Variants in MYO1D observed in about 807,000 individuals in gnomAD.
MYO1D encodes unconventional myosin-Id.
Under a neutral mutation model 122.0 loss-of-function variants are expected in MYO1D, and 83 were observed. That is an observed-to-expected ratio of 0.68 (90% confidence interval 0.57 to 0.82). MYO1D has a LOEUF of 0.82. MYO1D is among the 40% of genes least tolerant of loss of function. The pLI is 0.00. For missense variants in MYO1D, 1,157 were observed against 1,269.5 expected (o/e 0.91, Z 1.35); for synonymous variants, 464 against 446.9 (o/e 1.04, Z -0.48).
chr17:32,630,679 C>T (rs2087992611), intron 20 of MYO1D, among the ~76,000 whole-genome samples: 1 of 151,978 alleles, frequency 6.6e-6, no homozygotes, highest in South Asian at 2.1e-4. Context: ...TTCACATCAT[C>T]CTCCTGCTTC....
At chr17:32,706,699 T>C (rs950493464) in intron 16 of MYO1D, among the ~76,000 whole-genome samples, 4 of 152,116 alleles carry the variant, frequency 2.6e-5, no homozygotes, top group East Asian at 1.9e-4. Context: ...TCCAGATCTA[T>C]ACATTTTTTT....
chr17:32,507,935 C>T (rs951879513), intron 21 of MYO1D, among the ~76,000 whole-genome samples: 4 of 140,066 alleles, frequency 2.9e-5, no homozygotes, highest in African/African-American at 8.2e-5. Context: ...CTCGCTCTGT[C>T]GCCCAGGCTA....
At chr17:32,759,976 A>G (rs1819762517) in intron 10 of MYO1D, 2 of 542,418 alleles carry the variant, frequency 3.7e-6, no homozygotes, top group Admixed American at 3.4e-5. Flanking sequence ...AATTTAAGGT[A>G]TAACTTAATA....
chr17:32,835,107 A>G (rs757305673), intron 1 of MYO1D, among the ~76,000 whole-genome samples: 4 of 152,074 alleles, frequency 2.6e-5, no homozygotes, highest in Non-Finnish European at 4.4e-5. Context: ...TCTGGTCCCA[A>G]ACATACCTTG....
intron 20 of MYO1D, among the ~76,000 whole-genome samples, chr17:32,612,594 G>A (rs1368052153): frequency 1.3e-5 from 2 of 149,158 alleles, no homozygotes; most frequent in African/African-American, 2.5e-5. Flanking sequence ...GCTGAGGCAG[G>A]AGGATTGCTT....
chr17:32,710,337 TG>T (rs1163845358), intron 16 of MYO1D, among the ~76,000 whole-genome samples: 1 of 152,086 alleles, frequency 6.6e-6, no homozygotes, highest in African/African-American at 2.4e-5. Flanking sequence ...TGCAAATCAA[TG>T]GGAAAAGGGC....
chr17:32,705,499 G>A (rs950904717), intron 16 of MYO1D, among the ~76,000 whole-genome samples: 2 of 152,068 alleles, frequency 1.3e-5, no homozygotes, highest in East Asian at 1.9e-4. Flanking sequence ...TCCTGACCTC[G>A]TGATCCGCCC....
At chr17:32,678,835 C>T (rs1197673251) in intron 16 of MYO1D, among the ~76,000 whole-genome samples, 1 of 151,146 alleles carries the variant, frequency 6.6e-6, no homozygotes, top group Non-Finnish European at 1.5e-5. Context: ...AATTGCCACA[C>T]TGACTTCCAC....
chr17:32,719,598 C>A (rs2089487040), intron 15 of MYO1D, among the ~76,000 whole-genome samples: 1 of 152,056 alleles, frequency 6.6e-6, no homozygotes, highest in Admixed American at 6.6e-5. Context: ...GATCTGCCCC[C>A]CTCAGCCTCC....
At chr17:32,695,505 T>C (rs772091378) in intron 16 of MYO1D, among the ~76,000 whole-genome samples, 7 of 152,204 alleles carry the variant, frequency 4.6e-5, no homozygotes, top group Non-Finnish European at 1.0e-4. Flanking sequence ...TTGACACAGA[T>C]CTATTTAACA....
intron 1 of MYO1D, among the ~76,000 whole-genome samples, chr17:32,781,699 A>G (rs1213168684): frequency 6.6e-6 from 1 of 151,238 alleles, no homozygotes; most frequent in Non-Finnish European, 1.5e-5. Flanking sequence ...AATAAAGAGG[A>G]AGGCCACATG....
chr17:32,509,646 G>A (rs1485336083), intron 21 of MYO1D, among the ~76,000 whole-genome samples: 3 of 151,582 alleles, frequency 2.0e-5, no homozygotes, highest in Non-Finnish European at 4.4e-5. Context: ...GTGCAGTGGT[G>A]CGATCGATTC....
chr17:32,767,189 A>G (rs2090067560), intron 7 of MYO1D, among the ~76,000 whole-genome samples: 1 of 152,200 alleles, frequency 6.6e-6, no homozygotes, highest in African/African-American at 2.4e-5. Flanking sequence ...AAAGTGGTCT[A>G]TGGTGTTGGC....
chr17:32,703,448 C>T (rs958427273), intron 16 of MYO1D, among the ~76,000 whole-genome samples: 48 of 149,820 alleles, frequency 3.2e-4, no homozygotes, highest in Non-Finnish European at 1.0e-4. Context: ...ATCCCTTTTG[C>T]TTGTTTTTTT....
At chr17:32,564,613 T>C (rs890185972) in intron 21 of MYO1D, among the ~76,000 whole-genome samples, 11 of 152,224 alleles carry the variant, frequency 7.2e-5, no homozygotes, top group African/African-American at 1.4e-4. Flanking sequence ...ATTTATGACA[T>C]GGTCCCTGTT....
intron 16 of MYO1D, among the ~76,000 whole-genome samples, chr17:32,701,308 T>C (rs940289762): frequency 2.0e-5 from 3 of 152,186 alleles, no homozygotes; most frequent in African/African-American, 7.2e-5. Context: ...CCCTTCCAGA[T>C]GGCTTCACAA....
chr17:32,565,360 T>C (rs2087163129), intron 21 of MYO1D, among the ~76,000 whole-genome samples: 1 of 152,208 alleles, frequency 6.6e-6, no homozygotes, highest in Non-Finnish European at 1.5e-5. Flanking sequence ...TTCTTCCTTG[T>C]AGCAACGAAA....
intron 13 of MYO1D, 76 bp downstream of exon 13, chr17:32,745,135 T>C (rs1406205839): frequency 3.7e-6 from 3 of 815,752 alleles, no homozygotes; most frequent in East Asian, 5.5e-5. Context: ...AAATTGCATA[T>C]AAATATAACC....
chr17:32,821,534 TCACACATACACA>T (rs973472119), intron 1 of MYO1D, among the ~76,000 whole-genome samples: 14 of 143,158 alleles, frequency 9.8e-5, no homozygotes, highest in African/African-American at 2.5e-4. Context: ...GATAAGTAAA[TCACACATACACA>T]CACACACACA....
Sources: allele counts gnomAD v4.1 joint callset (sites outside exome capture counted in the v4.1 genomes callset), GRCh38; gene constraint gnomAD v4.1.1; transcripts MANE v1.5; gene names NCBI Gene and HGNC (gene_info 2026-07-23, HGNC 2026-07-21).